The following EXOC7 variants were observed in gnomAD, a reference collection of about 807,000 sequenced individuals.
The protein encoded by EXOC7 is exocyst complex component 7, also known as exocyst complex component Exo70.
EXOC7 carries 51 observed loss-of-function variants against 87.6 expected under a neutral mutation model. The observed-to-expected ratio is 0.58, with a 90% CI of 0.46 to 0.73. The LOEUF (loss-of-function observed/expected upper bound fraction) is 0.73, where lower values mean the gene tolerates loss of function less well. Among genes scored for constraint, EXOC7 ranks in the 30% least tolerant of loss-of-function variants. The pLI, the probability that EXOC7 is intolerant of heterozygous loss-of-function variation, is 0.00. For synonymous variants in EXOC7, 327 were observed against 357.1 expected, an observed-to-expected ratio of 0.92 and a Z score of 0.95; for missense variants, 744 against 888.4, an observed-to-expected ratio of 0.84 and a Z score of 2.07.
chr17:76,083,930 C>T, intron 18 of EXOC7, 76 bp downstream of exon 18: 1 of 1,486,960 alleles, frequency 6.7e-7, no homozygotes, highest in Non-Finnish European at 9.0e-7. Context: ...CTCCTTTTTC[C>T]CTTGAGGAAG....
intron 7 of EXOC7, chr17:76,090,730 G>C: frequency 8.9e-6 from 5 of 561,402 alleles, no homozygotes; most frequent in Non-Finnish European, 1.6e-5. Context: ...CGCTGTATTT[G>C]GGGAAAGCCC....
In EXOC7 at chr17:76,101,672, C is replaced by G. The variant is rs755521132; in HGVS notation, c.311+7G>C. On this transcript the variant is annotated splice_region_variant and intron_variant, in intron 3 of 18. Transcript: ENST00000589210. Reference sequence around the variant, plus strand: ...AGGAATTGACCCTCTGGGCCTCACTCACTCACCCCTCTCTGATGATCTTCT... The same window carrying G: ...AGGAATTGACCCTCTGGGCCTCACTGACTCACCCCTCTCTGATGATCTTCT... 1 of 1,608,760 alleles carries G rather than the reference C, an allele frequency of 6.2e-7. No individual in the cohort carries two copies. Among genetic ancestry groups the G allele is most frequent in the Non-Finnish European group, 8.5e-7 (1 of 1,176,800 alleles).
At chr17:76,101,207 C>T in intron 4 of EXOC7, 64 bp downstream of exon 4, 1 of 1,613,768 alleles carries the variant, frequency 6.2e-7, no homozygotes, top group South Asian at 1.1e-5. Context: ...CTCCATGTCC[C>T]TCATGAGACC....
chr17:76,094,721 C>T lies in EXOC7; in HGVS notation c.641-140G>A, dbSNP rs2067664764. 3.7e-6 allele frequency: 3 copies of T among 802,406 alleles called. No homozygotes were observed. The South Asian group carries it at 5.9e-5, about 16-fold the overall frequency. The allele number at this position is 802,406 out of a possible 1,614,324, so 49.7% of individuals were successfully genotyped here. On this transcript the variant is annotated intron_variant, in intron 5 of 18. Coordinates refer to ENST00000589210, the MANE Select transcript of EXOC7 (RefSeq NM_001013839.4). ...TGGTCACAAGCCACCCATATCTTGT[C>T]CCAAATCAGGCAAAGTCTTTCAAAG...
chr17:76,089,760 G>A (rs903837911), intron 7 of EXOC7: 17 of 198,916 alleles, frequency 8.5e-5, no homozygotes, highest in Non-Finnish European at 1.8e-4. Flanking sequence ...GCAAATGCGG[G>A]GCCTGTGAAG....
intron 6 of EXOC7, 51 bp downstream of exon 6, chr17:76,094,363 G>A (rs1567978216): frequency 6.3e-7 from 1 of 1,579,638 alleles, no homozygotes; most frequent in Admixed American, 1.8e-5. Flanking sequence ...AAGCAGTACA[G>A]TCCCAGTCAG....
Position 76,101,933 on chromosome 17 carries a change from C to T in EXOC7, c.127-70G>A, listed in dbSNP as rs1035650037. On this transcript the variant is annotated intron_variant, in intron 2 of 18. Transcript: ENST00000589210. ...AGCACTGCTTCTACACACCCACCTTCGGCATTTCCTGCCTTTTCTCTGGTT... is the reference window on the plus strand; with the variant it reads ...AGCACTGCTTCTACACACCCACCTTTGGCATTTCCTGCCTTTTCTCTGGTT... The T allele has an allele frequency of 3.2e-5, 43 of 1,337,312 alleles. 1 individual carries two copies. The Admixed American group carries it at 5.1e-4, about 16-fold the overall frequency. The allele number at this position is 1,337,312 out of a possible 1,614,324, so 82.8% of individuals were successfully genotyped here. A position where few individuals can be genotyped will look rare whatever the true frequency, so the allele number is the denominator to read the frequency against.
chr17:76,088,632 C>G, intron 9 of EXOC7, 70 bp from the exon 10 acceptor site: 2 of 1,594,930 alleles, frequency 1.3e-6, no homozygotes, highest in Non-Finnish European at 1.7e-6. Context: ...ACCCAGGGCC[C>G]TTCCTAAGCT....
rs767338917 is a variant in EXOC7, at chr17:76,103,680, G to C, written c.13C>G (p.Gln5Glu). 1 of 1,612,466 alleles carries C rather than the reference G, an allele frequency of 6.2e-7. No individual in the cohort carries two copies. The highest frequency in any genetic ancestry group is 1.1e-5 in the South Asian group (1 of 90,670). The change falls in exon 1 of 19, where the codon CAG becomes GAG. Residue 5 changes from glutamine (Q) to glutamate (E), a missense_variant. Gln to Glu is a conservative substitution (Grantham distance 29). This residue lies in a region of EXOC7 where 512 missense variants were observed against 573.0 expected (regional missense o/e 0.89). Coordinates refer to ENST00000589210, the MANE Select transcript of EXOC7 (RefSeq NM_001013839.4). The stretch of plus-strand genomic sequence containing the variant: ...TCCCGCCGTCGAGCGGATGCCTCCT[G>C]TGGGGGAATCATCGCTCTGAACCCC... MIPP[Q>E]EASARRREIE...
At chr17:76,084,491 C>CT (rs2067121331) in intron 16 of EXOC7, 26 bp downstream of exon 16, 1 of 1,612,476 alleles carries the variant, frequency 6.2e-7, no homozygotes, top group African/African-American at 1.3e-5. Context: ...CCAGACACCC[C>CT]TTCCCAGCCC....
intron 14 of EXOC7, 128 bp downstream of exon 14, chr17:76,085,549 T>G (rs1598296895): frequency 6.6e-7 from 1 of 1,523,966 alleles, no homozygotes; most frequent in African/African-American, 1.4e-5. Flanking sequence ...GGTCCTGGGG[T>G]GGAGGAGACT....
Position 76,086,064 on chromosome 17 carries a change from C to G in EXOC7, c.1495+16G>C, listed in dbSNP as rs1165014883. 2 of 1,613,022 alleles carry G rather than the reference C, an allele frequency of 1.2e-6. No individual in the cohort carries two copies. Among genetic ancestry groups the G allele is most frequent in the African/African-American group, 1.3e-5 (1 of 74,946 alleles). The stretch of plus-strand genomic sequence containing the variant: ...GCAGGCAGCAGGGCTGCTGGTCTGC[C>G]CGGGAGAACACTCACAGATATAGGT... On this transcript the variant is annotated intron_variant, in intron 13 of 18. Transcript: ENST00000589210.
At chr17:76,097,000 C>A (rs1007251555) in intron 5 of EXOC7, among the ~76,000 whole-genome samples, 1 of 152,146 alleles carries the variant, frequency 6.6e-6, no homozygotes, top group Non-Finnish European at 1.5e-5. Context: ...TGCAGGCATG[C>A]GTCACCACAC....
chr17:76,086,260 G>T, intron 12 of EXOC7, 115 bp from the exon 13 acceptor site: 1 of 1,040,402 alleles, frequency 9.6e-7, no homozygotes, highest in Non-Finnish European at 1.4e-6. Context: ...GGGCTTCCTT[G>T]GGCAGAGCTG....
Position 76,088,452 on chromosome 17 carries a change from G to A in EXOC7, c.1299+12C>T. On this transcript the variant is annotated intron_variant, in intron 10 of 18. Transcript: ENST00000589210. ...GCCGGGAGGGAGGGAGAAAGGGGAG[G>A]ACAGCAGGGACCTTGATGTTGTCTG... 1 of 1,611,656 alleles carries A rather than the reference G, an allele frequency of 6.2e-7. No individual in the cohort carries two copies. The highest frequency in any genetic ancestry group is 8.5e-7 in the Non-Finnish European group (1 of 1,178,384).
Position 76,091,692 on chromosome 17 carries a change from G to C in EXOC7, c.809-457C>G, listed in dbSNP as rs60937668. 4.1e-3 allele frequency: 693 copies of C among 170,160 alleles called. 4 individuals are homozygous for C. The highest frequency in any genetic ancestry group is 0.016 in the African/African-American group (658 of 41,826). 10.5% of individuals were successfully genotyped at this position (170,160 alleles called of 1,614,324 possible). A position where few individuals can be genotyped will look rare whatever the true frequency, so the allele number is the denominator to read the frequency against. ...CCCCAAACTCCAGGCAGAGTTCTCC[G>C]AGCATGCTCAGTGTTGGGACGTACG... is the stretch of plus-strand genomic sequence containing the variant. On this transcript the variant is annotated intron_variant, in intron 6 of 18. Coordinates refer to ENST00000589210, the MANE Select transcript of EXOC7 (RefSeq NM_001013839.4).
At position 76,084,278 on chromosome 17, in the gene EXOC7, C is replaced by T. The variant is rs778091648; in HGVS notation, c.1788G>A (p.Lys596=). The change falls in exon 17 of 19, where the codon AAG becomes AAA. Residue 596 remains lysine, a synonymous_variant. Transcript: ENST00000589210. The part of the protein sequence containing the change: ...VFQPGVKLRD[K]ERQIIKERFK... ...AACGCTCCTTGATAATCTGCCGCTC[C>T]TTGTCCCGGAGCTGGGAAGCCAGGA... The T allele has an allele frequency of 1.2e-6, 2 of 1,613,524 alleles. No homozygotes were observed.
intron 2 of EXOC7, 118 bp from the exon 3 acceptor site, chr17:76,101,981 G>A: frequency 1.3e-6 from 1 of 765,988 alleles, no homozygotes; most frequent in Non-Finnish European, 2.1e-6. Context: ...AACTCCACAA[G>A]CGAAGGAACA....
In EXOC7 at chr17:76,082,859, T is replaced by TTTTTGTTTCCAACCCCCA. The variant is rs2067042349; in HGVS notation, c.*788_*789insTGGGGGTTGGAAACAAAA. On this transcript the variant is annotated 3_prime_UTR_variant, in exon 19 of 19. Transcript: ENST00000589210. Reference sequence around the variant, plus strand: ...TCGTCCTAAATAGGTGGGGCCCTATTTTTTGCTTCCAACCCCCATTTTGCT... The same window carrying TTTTTGTTTCCAACCCCCA: ...TCGTCCTAAATAGGTGGGGCCCTATTTTTTGTTTCCAACCCCCATTTTGCTTCCAACCCCCATTTTGCT... 2.2e-6 allele frequency: 1 copy of TTTTTGTTTCCAACCCCCA among 447,006 alleles called. No individual in the cohort carries two copies. The highest frequency in any genetic ancestry group is 4.3e-5 in the Admixed American group (1 of 23,060). The allele number at this position is 447,006 out of a possible 1,614,324, so 27.7% of individuals were successfully genotyped here.
Sources: allele counts gnomAD v4.1 joint callset (sites outside exome capture counted in the v4.1 genomes callset), GRCh38; gene constraint gnomAD v4.1.1; regional missense constraint gnomAD v4.1.1; transcripts MANE v1.5; gene names NCBI Gene and HGNC (gene_info 2026-07-23, HGNC 2026-07-21).